DLGAP2: variants seen among roughly 807,000 people sequenced by gnomAD.
DLGAP2 encodes disks large-associated protein 2.
A neutral mutation model predicts 100.3 loss-of-function variants in DLGAP2; 26 were observed. That is an observed-to-expected ratio of 0.26 (90% confidence interval 0.19 to 0.36). DLGAP2 has a LOEUF of 0.36. Among genes scored for constraint, DLGAP2 ranks in the 10% least tolerant of loss-of-function variants. DLGAP2 has a pLI of 1.00. For synonymous variants in DLGAP2, 886 were observed against 630.1 expected (o/e 1.41, Z -6.08); for missense variants, 1,858 against 1,453.2 (o/e 1.28, Z -4.53).
At chr8:1,118,143 G>T (rs1235526331) in intron 2 of DLGAP2, among the ~76,000 whole-genome samples, 1 of 152,140 alleles carries the variant, frequency 6.6e-6, no homozygotes, top group East Asian at 1.9e-4. Flanking sequence ...GAAATTAACC[G>T]CAGTTCAGAA....
At chr8:1,181,721 G>A (rs975491443) in intron 2 of DLGAP2, among the ~76,000 whole-genome samples, 8 of 152,156 alleles carry the variant, frequency 5.3e-5, no homozygotes, top group African/African-American at 1.9e-4. Context: ...TGGGAAGAAT[G>A]TAAATTTGCA....
intron 2 of DLGAP2, among the ~76,000 whole-genome samples, chr8:940,432 C>T (rs1799169437): frequency 6.6e-6 from 1 of 151,580 alleles, no homozygotes; most frequent in Non-Finnish European, 1.5e-5. Context: ...GTGATTTCAC[C>T]CTGGGTGGTT....
At chr8:1,305,481 T>TTC in intron 3 of DLGAP2, among the ~76,000 whole-genome samples, 3 of 152,348 alleles carry the variant, frequency 2.0e-5, no homozygotes, top group Admixed American at 2.0e-4. Context: ...AAGGTCTTTA[T>TTC]TCATACATTT....
intron 2 of DLGAP2, among the ~76,000 whole-genome samples, chr8:1,207,054 A>T (rs1046239351): frequency 3.3e-5 from 5 of 151,936 alleles, no homozygotes; most frequent in Non-Finnish European, 7.4e-5. Context: ...CCATTCCTAG[A>T]TGTGTCCTTC....
At chr8:783,552 G>A (rs1035655386) in intron 1 of DLGAP2, among the ~76,000 whole-genome samples, 2 of 152,178 alleles carry the variant, frequency 1.3e-5, no homozygotes, top group Admixed American at 1.3e-4. Flanking sequence ...CCGTTCAGTG[G>A]CACATCAGGT....
At chr8:1,432,263 T>C (rs1300776781) in intron 3 of DLGAP2, among the ~76,000 whole-genome samples, 1 of 152,258 alleles carries the variant, frequency 6.6e-6, no homozygotes, top group Admixed American at 6.5e-5. Context: ...AATTCTTTAT[T>C]GATTGGCTTT....
chr8:1,278,471 C>A (rs184831763), intron 3 of DLGAP2, among the ~76,000 whole-genome samples: 1 of 152,248 alleles, frequency 6.6e-6, no homozygotes. Flanking sequence ...ACAATTAAAT[C>A]CTTATGCTAA....
intron 2 of DLGAP2, among the ~76,000 whole-genome samples, chr8:959,074 A>T (rs1427808035): frequency 6.6e-6 from 1 of 152,226 alleles, no homozygotes; most frequent in Non-Finnish European, 1.5e-5. Context: ...AATTATGGCT[A>T]TGTAGAGGGT....
At chr8:1,102,780 A>G (rs1319062209) in intron 2 of DLGAP2, among the ~76,000 whole-genome samples, 4 of 152,012 alleles carry the variant, frequency 2.6e-5, no homozygotes, top group African/African-American at 9.7e-5. Context: ...GGGGAGGAGA[A>G]AAAGGGGAAG....
intron 2 of DLGAP2, among the ~76,000 whole-genome samples, chr8:1,256,567 C>T (rs78271906): frequency 0.048 from 6,140 of 128,560 alleles, 470 homozygotes; most frequent in African/African-American, 0.18. Context: ...CTTTCCTGCC[C>T]GGGTGCTGTG....
chr8:1,647,988 C>T (rs189330757), intron 8 of DLGAP2, among the ~76,000 whole-genome samples: 4 of 152,322 alleles, frequency 2.6e-5, no homozygotes, highest in South Asian at 2.1e-4. Context: ...CACAAACCCA[C>T]GGTCACAGAC....
chr8:757,672 C>A (rs752704256), intron 1 of DLGAP2, among the ~76,000 whole-genome samples: 5 of 152,198 alleles, frequency 3.3e-5, no homozygotes, highest in African/African-American at 1.2e-4. Context: ...GGGACCATAT[C>A]TGAGATCAGA....
intron 2 of DLGAP2, among the ~76,000 whole-genome samples, chr8:1,031,166 C>T (rs1801961043): frequency 6.6e-6 from 1 of 152,094 alleles, no homozygotes; most frequent in Non-Finnish European, 1.5e-5. Context: ...CATGATGCCG[C>T]CTGTGCCTCA....
intron 3 of DLGAP2, among the ~76,000 whole-genome samples, chr8:1,413,866 C>CA (rs1554462829): frequency 6.6e-6 from 1 of 152,148 alleles, no homozygotes; most frequent in Non-Finnish European, 1.5e-5. Flanking sequence ...TGCAGATGCA[C>CA]AATGTCAATG....
chr8:1,667,029 A>G (rs1798561245), intron 8 of DLGAP2, among the ~76,000 whole-genome samples: 1 of 152,182 alleles, frequency 6.6e-6, no homozygotes, highest in Non-Finnish European at 1.5e-5. Flanking sequence ...GCACTCACCT[A>G]CGTCACAAGC....
At chr8:1,456,066 A>C (rs1370141877) in intron 3 of DLGAP2, among the ~76,000 whole-genome samples, 1 of 151,274 alleles carries the variant, frequency 6.6e-6, no homozygotes, top group Admixed American at 6.6e-5. Flanking sequence ...TTGTTGGCCA[A>C]CTCCTGGGTC....
chr8:1,633,264 G>A (rs1197448008), intron 8 of DLGAP2, among the ~76,000 whole-genome samples: 1 of 152,158 alleles, frequency 6.6e-6, no homozygotes, highest in Non-Finnish European at 1.5e-5. Context: ...CTACTCATTA[G>A]CAAGTTTCCT....
At chr8:1,697,126 A>C in intron 13 of DLGAP2, 21 bp from the exon 14 acceptor site, 1 of 1,524,572 alleles carries the variant, frequency 6.6e-7, no homozygotes, top group Non-Finnish European at 8.8e-7. Context: ...CTGGCTCTGA[A>C]CACCCTGTGT....
chr8:1,164,324 A>ATAGATTTTTCTGTGAGCCCC lies in DLGAP2; in HGVS notation c.74-94527_74-94526insTAGATTTTTCTGTGAGCCCC, dbSNP rs1563224491. ...CCAGGGTTTGTTTTTGTTTGTGGGGACAGATTTTTCTGTGAGCCCGCAGGG... is the reference window on the plus strand; with the variant it reads ...CCAGGGTTTGTTTTTGTTTGTGGGGATAGATTTTTCTGTGAGCCCCCAGATTTTTCTGTGAGCCCGCAGGG... On this transcript the variant is annotated intron_variant, in intron 2 of 14. Transcript: ENST00000637795. 4.9e-3 allele frequency among the ~76,000 whole-genome samples: 366 copies of ATAGATTTTTCTGTGAGCCCC among 74,060 alleles called. 2 individuals carry two copies. Among genetic ancestry groups the ATAGATTTTTCTGTGAGCCCC allele is most frequent in the African/African-American group, 0.011 (252 of 23,610 alleles). The allele number at this position is 74,060 out of a possible 152,430, so 48.6% of individuals were successfully genotyped here.
Sources: allele counts gnomAD v4.1 joint callset (sites outside exome capture counted in the v4.1 genomes callset), GRCh38; gene constraint gnomAD v4.1.1; transcripts MANE v1.5; gene names NCBI Gene and HGNC (gene_info 2026-07-23, HGNC 2026-07-21).